Variants in HIVEP2 observed in about 807,000 individuals in gnomAD.
HIVEP2 encodes the protein transcription factor HIVEP2.
Under a neutral mutation model 180.7 loss-of-function variants are expected in HIVEP2, and 14 were observed. The ratio of observed to expected loss-of-function variants is 0.08; its 90% CI spans 0.05 to 0.12. The LOEUF (loss-of-function observed/expected upper bound fraction) is 0.12, where lower values mean the gene tolerates loss of function less well. Among genes scored for constraint, HIVEP2 ranks in the 10% least tolerant of loss-of-function variants. The pLI is 1.00. For synonymous variants in HIVEP2, 1,184 were observed against 1,136.4 expected (o/e 1.04, Z -0.84); for missense variants, 2,579 against 3,008.5 (o/e 0.86, Z 3.34).
At chr6:142,831,524 G>A (rs1278019878) in intron 2 of HIVEP2, among the ~76,000 whole-genome samples, 1 of 152,236 alleles carries the variant, frequency 6.6e-6, no homozygotes, top group Non-Finnish European at 1.5e-5. Flanking sequence ...ACGCCCCTTT[G>A]TCCTGCAGTC....
chr6:142,768,316 A>G, intron 6 of HIVEP2, 66 bp downstream of exon 6: 1 of 1,439,178 alleles, frequency 6.9e-7, no homozygotes, highest in Non-Finnish European at 9.5e-7. Context: ...TTTTCCATGC[A>G]GACATTCTGG....
intron 1 of HIVEP2, among the ~76,000 whole-genome samples, chr6:142,935,845 CAGTTA>C (rs1364181458): frequency 1.3e-5 from 2 of 152,116 alleles, no homozygotes; most frequent in Admixed American, 1.3e-4. Flanking sequence ...CAAAAATTAT[CAGTTA>C]AAAGATGAAT....
chr6:142,913,489 C>G (rs1053863351), intron 1 of HIVEP2, among the ~76,000 whole-genome samples: 1 of 152,194 alleles, frequency 6.6e-6, no homozygotes, highest in Non-Finnish European at 1.5e-5. Context: ...TTTCTTTTGC[C>G]AGCTTCAATG....
intron 1 of HIVEP2, among the ~76,000 whole-genome samples, chr6:142,869,155 A>G (rs1037616153): frequency 2.0e-5 from 3 of 152,176 alleles, no homozygotes; most frequent in Admixed American, 6.6e-5. Flanking sequence ...TACATTGCAC[A>G]TGACAGCCCC....
chr6:142,899,648 A>G (rs1008030449), intron 1 of HIVEP2, among the ~76,000 whole-genome samples: 1 of 152,242 alleles, frequency 6.6e-6, no homozygotes, highest in Non-Finnish European at 1.5e-5. Context: ...GCAAGAATAG[A>G]TCATTTATCT....
At chr6:142,918,926 A>C (rs1004194206) in intron 1 of HIVEP2, among the ~76,000 whole-genome samples, 5 of 152,190 alleles carry the variant, frequency 3.3e-5, no homozygotes, top group African/African-American at 1.2e-4. Context: ...TAACACATTC[A>C]TGTTTCTTTA....
At chr6:142,811,639 C>T (rs1432414614) in intron 2 of HIVEP2, among the ~76,000 whole-genome samples, 2 of 152,184 alleles carry the variant, frequency 1.3e-5, no homozygotes, top group African/African-American at 4.8e-5. Flanking sequence ...GTAAGAAAGG[C>T]AGAGCCAACA....
At chr6:142,933,874 G>A (rs1444596725) in intron 1 of HIVEP2, among the ~76,000 whole-genome samples, 2 of 152,134 alleles carry the variant, frequency 1.3e-5, no homozygotes, top group South Asian at 4.1e-4. Context: ...TAGTACTAAG[G>A]TCATTTGAAA....
rs750135342 is a variant in HIVEP2, at chr6:142,759,993, C to T, written c.6295G>A (p.Glu2099Lys). The change falls in exon 9 of 10, where the codon GAG (glutamate) becomes AAG (lysine). Residue 2099 changes from glutamate to lysine, a missense_variant. Glu to Lys is a moderately conservative substitution (Grantham distance 56). Transcript: ENST00000367603. ...SPRKEAALRR[E>K]MSQRDVSPRR... ...GGTGAAACATCTCTTTGGGACATCT[C>T]TCTTCTCAATGCAGCTTCCTTTCTT... is the stretch of plus-strand genomic sequence containing the variant. The T allele has an allele frequency of 6.2e-7, 1 of 1,614,014 alleles. No individual in the cohort carries two copies. Among genetic ancestry groups the T allele is most frequent in the Admixed American group, 1.7e-5 (1 of 59,998 alleles).
chr6:142,792,365 A>T (rs891889161), intron 2 of HIVEP2, among the ~76,000 whole-genome samples: 1 of 152,194 alleles, frequency 6.6e-6, no homozygotes, highest in African/African-American at 2.4e-5. Context: ...CTCTTTAAAA[A>T]GTGGGATACT....
intron 1 of HIVEP2, among the ~76,000 whole-genome samples, chr6:142,881,234 T>G (rs963104892): frequency 2.0e-5 from 3 of 152,226 alleles, no homozygotes; most frequent in Non-Finnish European, 2.9e-5. Flanking sequence ...TATGGCCTTA[T>G]CCAGTTCACA....
intron 2 of HIVEP2, among the ~76,000 whole-genome samples, chr6:142,808,669 GATAGAAGGATGGATGA>G (rs1776614173): frequency 1.3e-5 from 2 of 149,242 alleles, no homozygotes; most frequent in Admixed American, 1.3e-4. Flanking sequence ...GGGCTAGATG[GATAGAAGGATGGATGA>G]ATAGAAGGAT....
In HIVEP2 at chr6:142,774,765, G is replaced by C. The variant is rs753032272; in HGVS notation, c.-27C>G. On this transcript the variant is annotated 5_prime_UTR_variant, in exon 5 of 10. Transcript: ENST00000367603. This position sits in a 1 kb window ranked among gnomAD's most constrained non-coding sequence, Gnocchi z 5.1. ...TTGTTACACAAGGTCTTAAGTGCTAGTTCCCCTGAAAGCAGTGCAGACTCA... is the reference window on the plus strand; with the variant it reads ...TTGTTACACAAGGTCTTAAGTGCTACTTCCCCTGAAAGCAGTGCAGACTCA... 6.9e-6 allele frequency: 11 copies of C among 1,605,562 alleles called. No homozygotes were observed. Among genetic ancestry groups the C allele is most frequent in the Admixed American group, 1.7e-5 (1 of 59,500 alleles).
At chr6:142,775,550 T>C (rs1328175239) in intron 4 of HIVEP2, among the ~76,000 whole-genome samples, 1 of 152,060 alleles carries the variant, frequency 6.6e-6, no homozygotes, top group Non-Finnish European at 1.5e-5. Context: ...ATACAAACAA[T>C]ATGTGGCCAG....
At chr6:142,862,636 G>A (rs1333632528) in intron 1 of HIVEP2, among the ~76,000 whole-genome samples, 9 of 142,670 alleles carry the variant, frequency 6.3e-5, no homozygotes, top group Non-Finnish European at 1.4e-4. Context: ...TATATTTTAT[G>A]AAATGTAATA....
chr6:142,799,189 C>A (rs1343655200), intron 2 of HIVEP2, among the ~76,000 whole-genome samples: 1 of 152,144 alleles, frequency 6.6e-6, no homozygotes, highest in African/African-American at 2.4e-5. Context: ...GCAAACTGTT[C>A]TTAATGTATT....
At chr6:142,757,218 C>A (rs962625435) in intron 9 of HIVEP2, among the ~76,000 whole-genome samples, 3 of 152,112 alleles carry the variant, frequency 2.0e-5, no homozygotes, top group Non-Finnish European at 2.9e-5. Context: ...GTGCTTGGGA[C>A]GAACTGTCCC....
chr6:142,782,560 G>A (rs1775885152), intron 3 of HIVEP2, among the ~76,000 whole-genome samples: 1 of 152,154 alleles, frequency 6.6e-6, no homozygotes, highest in Non-Finnish European at 1.5e-5. Context: ...GCTTCTTTTA[G>A]TAAAAATTCC....
intron 1 of HIVEP2, among the ~76,000 whole-genome samples, chr6:142,839,289 A>G (rs925869933): frequency 3.3e-5 from 5 of 152,124 alleles, no homozygotes; most frequent in African/African-American, 1.2e-4. Context: ...GCAGTGCAAC[A>G]CCTCAAATAA....
Sources: allele counts gnomAD v4.1 joint callset (sites outside exome capture counted in the v4.1 genomes callset), GRCh38; gene constraint gnomAD v4.1.1; non-coding constraint Gnocchi (gnomAD v3.1); transcripts MANE v1.5; gene names NCBI Gene and HGNC (gene_info 2026-07-23, HGNC 2026-07-21).